The following LUZP2 variants were observed in gnomAD, a reference collection of about 807,000 sequenced individuals.
The protein encoded by LUZP2 is leucine zipper protein 2.
A neutral mutation model predicts 51.6 loss-of-function variants in LUZP2; 52 were observed. The observed-to-expected ratio is 1.01, with a 90% confidence interval of 0.81 to 1.27. LUZP2 has a LOEUF of 1.27. Ranked by LOEUF, LUZP2 falls within the 50% of genes most tolerant of loss-of-function variation. LUZP2 has a pLI of 0.00. For synonymous variants in LUZP2, 154 were observed against 137.3 expected, an observed-to-expected ratio of 1.12 and a Z score of -0.85; for missense variants, 436 against 395.4, an observed-to-expected ratio of 1.10 and a Z score of -0.87.
chr11:24,630,075 T>C (rs1422202178), intron 1 of LUZP2, among the ~76,000 whole-genome samples: 1 of 152,006 alleles, frequency 6.6e-6, no homozygotes, highest in Non-Finnish European at 1.5e-5. Flanking sequence ...TGAAGTTTCT[T>C]ATATATTCCA....
At chr11:25,027,953 G>T (rs1185567116) in intron 9 of LUZP2, among the ~76,000 whole-genome samples, 1 of 151,830 alleles carries the variant, frequency 6.6e-6, no homozygotes, top group Non-Finnish European at 1.5e-5. Flanking sequence ...TCCCCAGTTC[G>T]GAGTTCAAAT....
chr11:24,894,830 A>G (rs1852984645), intron 5 of LUZP2, among the ~76,000 whole-genome samples: 1 of 152,184 alleles, frequency 6.6e-6, no homozygotes, highest in South Asian at 2.1e-4. Context: ...GGGGCAATTG[A>G]GAACGGGATG....
At chr11:24,921,193 C>T (rs2133815894) in intron 7 of LUZP2, among the ~76,000 whole-genome samples, 1 of 152,036 alleles carries the variant, frequency 6.6e-6, no homozygotes, top group Admixed American at 6.6e-5. Context: ...AAACAGCTCC[C>T]CCATACAGAG....
At chr11:24,586,263 A>G (rs1051577720) in intron 1 of LUZP2, among the ~76,000 whole-genome samples, 1 of 152,134 alleles carries the variant, frequency 6.6e-6, no homozygotes, top group Non-Finnish European at 1.5e-5. Context: ...ATAAAATTAC[A>G]TATCACATTA....
intron 1 of LUZP2, among the ~76,000 whole-genome samples, chr11:24,619,513 C>G (rs1300447317): frequency 6.6e-6 from 1 of 152,096 alleles, no homozygotes; most frequent in Non-Finnish European, 1.5e-5. Flanking sequence ...ATTTGGGCTT[C>G]CTGACATTTA....
intron 4 of LUZP2, among the ~76,000 whole-genome samples, chr11:24,762,235 G>A (rs10834478): frequency 0.2 from 30,838 of 152,030 alleles, 3,954 homozygotes; most frequent in African/African-American, 0.36. Context: ...CACCTGGATC[G>A]TGAGTCTCTT....
At chr11:24,959,736 C>T (rs201171296) in intron 7 of LUZP2, among the ~76,000 whole-genome samples, 3 of 151,964 alleles carry the variant, frequency 2.0e-5, no homozygotes, top group African/African-American at 7.3e-5. Context: ...AATTGAATAC[C>T]CTTTATTTCC....
intron 8 of LUZP2, among the ~76,000 whole-genome samples, 200 bp from the exon 9 acceptor site, chr11:24,982,926 A>T (rs1379539681): frequency 2.0e-5 from 3 of 151,848 alleles, no homozygotes; most frequent in Non-Finnish European, 4.4e-5. Context: ...AAAATATATC[A>T]TGAAATGCAT....
chr11:24,897,556 G>A (rs1853119829), intron 5 of LUZP2, among the ~76,000 whole-genome samples: 1 of 152,098 alleles, frequency 6.6e-6, no homozygotes, highest in African/African-American at 2.4e-5. Context: ...AAGGTCTGCA[G>A]TTTCACTCCT....
At chr11:24,537,016 G>A (rs912867494) in intron 1 of LUZP2, among the ~76,000 whole-genome samples, 3 of 151,804 alleles carry the variant, frequency 2.0e-5, no homozygotes, top group Non-Finnish European at 4.4e-5. Context: ...CTAGTTGGTC[G>A]AGCAGTCAGA....
chr11:24,785,480 C>G (rs1364527894), intron 5 of LUZP2, among the ~76,000 whole-genome samples: 1 of 151,666 alleles, frequency 6.6e-6, no homozygotes, highest in Non-Finnish European at 1.5e-5. Context: ...ATTTAAATAG[C>G]CTGTGACCTG....
At chr11:24,918,530 C>A (rs902891240) in intron 7 of LUZP2, among the ~76,000 whole-genome samples, 2 of 151,692 alleles carry the variant, frequency 1.3e-5, no homozygotes, top group African/African-American at 4.8e-5. Context: ...GCTAAAAACT[C>A]TCAATAAATT....
At chr11:24,939,073 C>CT (rs1332851877) in intron 7 of LUZP2, among the ~76,000 whole-genome samples, 18 of 150,076 alleles carry the variant, frequency 1.2e-4, no homozygotes, top group South Asian at 2.1e-4. Flanking sequence ...CTCTCTCTCT[C>CT]TTTTTTTTTA....
chr11:25,011,346 A>G (rs1856978626), intron 9 of LUZP2, among the ~76,000 whole-genome samples: 1 of 152,136 alleles, frequency 6.6e-6, no homozygotes, highest in Admixed American at 6.6e-5. Context: ...TAGTGACAGC[A>G]TGGCTTTGAA....
At chr11:24,861,710 ACATAATGC>A (rs1489517256) in intron 5 of LUZP2, among the ~76,000 whole-genome samples, 3 of 152,158 alleles carry the variant, frequency 2.0e-5, no homozygotes, top group African/African-American at 7.2e-5. Context: ...TTCAGTACAG[ACATAATGC>A]CACAAGCCTG....
chr11:24,640,724 T>C (rs1022712261), intron 1 of LUZP2, among the ~76,000 whole-genome samples: 34 of 151,840 alleles, frequency 2.2e-4, no homozygotes, highest in African/African-American at 8.3e-4. Flanking sequence ...TCATAGGATG[T>C]TATGTAGATA....
chr11:24,816,727 G>A (rs186168683), intron 5 of LUZP2, among the ~76,000 whole-genome samples: 4 of 152,070 alleles, frequency 2.6e-5, no homozygotes, highest in Admixed American at 1.3e-4. Context: ...ACAAACATTA[G>A]TTATTTCACT....
chr11:24,900,406 G>A (rs1271952745), intron 5 of LUZP2, among the ~76,000 whole-genome samples: 3 of 152,044 alleles, frequency 2.0e-5, no homozygotes, highest in Non-Finnish European at 4.4e-5. Flanking sequence ...TTCTTTTCTG[G>A]TGGTTCTTTA....
chr11:24,549,807 AC>A (rs1450979545), intron 1 of LUZP2, among the ~76,000 whole-genome samples: 1 of 152,070 alleles, frequency 6.6e-6, no homozygotes, highest in Non-Finnish European at 1.5e-5. Context: ...CAATTTAAAT[AC>A]CCCCAACGTT....
Sources: allele counts gnomAD v4.1 joint callset (sites outside exome capture counted in the v4.1 genomes callset), GRCh38; gene constraint gnomAD v4.1.1; transcripts MANE v1.5; gene names NCBI Gene and HGNC (gene_info 2026-07-23, HGNC 2026-07-21).